GALNTL6: variants seen among roughly 807,000 people sequenced by gnomAD.
The protein encoded by GALNTL6 is polypeptide N-acetylgalactosaminyltransferase like 6.
GALNTL6 carries 46 observed loss-of-function variants against 73.7 expected under a neutral mutation model. The observed-to-expected ratio is 0.62, with a 90% CI of 0.49 to 0.80. GALNTL6 has a LOEUF of 0.80. GALNTL6 is among the 30% of genes least tolerant of loss of function. GALNTL6 has a pLI of 0.00. For missense variants in GALNTL6, 604 were observed against 755.0 expected (o/e 0.80, Z 2.34); for synonymous variants, 259 against 263.7 (o/e 0.98, Z 0.17).
intron 2 of GALNTL6, among the ~76,000 whole-genome samples, chr4:172,036,725 C>T (rs1346182948): frequency 6.6e-6 from 1 of 152,084 alleles, no homozygotes; most frequent in Non-Finnish European, 1.5e-5. Flanking sequence ...CAACAAAAAC[C>T]CTAAACTGTC....
chr4:172,860,726 A>G (rs1744352260), intron 7 of GALNTL6, among the ~76,000 whole-genome samples: 1 of 152,224 alleles, frequency 6.6e-6, no homozygotes, highest in Non-Finnish European at 1.5e-5. Context: ...ATATATATGA[A>G]AATGATGCCT....
chr4:172,013,507 T>C (rs1741086252), intron 2 of GALNTL6, among the ~76,000 whole-genome samples: 1 of 152,080 alleles, frequency 6.6e-6, no homozygotes, highest in Admixed American at 6.6e-5. Flanking sequence ...TTTTTTAAGA[T>C]TAACTAGTAT....
intron 2 of GALNTL6, among the ~76,000 whole-genome samples, chr4:171,861,258 C>T (rs912299133): frequency 6.6e-6 from 1 of 152,110 alleles, no homozygotes; most frequent in South Asian, 2.1e-4. Flanking sequence ...GTGTGTGCTA[C>T]TTCTGGTTCA....
intron 2 of GALNTL6, among the ~76,000 whole-genome samples, chr4:172,197,741 G>A (rs868274267): frequency 5.3e-5 from 8 of 152,244 alleles, no homozygotes; most frequent in African/African-American, 1.7e-4. Flanking sequence ...GCCATATGTA[G>A]AAAATTGAAA....
chr4:172,835,463 T>C (rs559593082), intron 7 of GALNTL6, among the ~76,000 whole-genome samples: 10 of 152,330 alleles, frequency 6.6e-5, no homozygotes, highest in Non-Finnish European at 1.5e-4. Flanking sequence ...CTTGGCTCCA[T>C]GGGGAGTTCT....
At chr4:171,982,728 G>A (rs1172934331) in intron 2 of GALNTL6, among the ~76,000 whole-genome samples, 1 of 152,148 alleles carries the variant, frequency 6.6e-6, no homozygotes, top group Non-Finnish European at 1.5e-5. Context: ...AAAGTTTTGA[G>A]AAAATCATAA....
intron 5 of GALNTL6, among the ~76,000 whole-genome samples, chr4:172,664,968 G>A (rs977561441): frequency 3.3e-5 from 5 of 152,140 alleles, no homozygotes; most frequent in Non-Finnish European, 4.4e-5. Context: ...GTGCAACAGA[G>A]ACTCATACAG....
intron 7 of GALNTL6, among the ~76,000 whole-genome samples, chr4:172,871,759 T>TTTTGTTTGTTTGTTTGTTTG (rs113501777): frequency 5.6e-4 from 85 of 150,556 alleles, no homozygotes; most frequent in East Asian, 2.0e-3. Flanking sequence ...TAGCATAGTT[T>TTTTGTTTGTTTGTTTGTTTG]TTTGTTTGTT....
intron 5 of GALNTL6, among the ~76,000 whole-genome samples, chr4:172,793,479 T>C (rs1740106229): frequency 6.6e-6 from 1 of 152,168 alleles, no homozygotes; most frequent in African/African-American, 2.4e-5. Flanking sequence ...GCCAACTCAC[T>C]GCAGTCCCTT....
At chr4:172,602,438 ATATACTGTTATAAATGTCTTACCT>A (rs1738094862) in intron 5 of GALNTL6, among the ~76,000 whole-genome samples, 1 of 152,178 alleles carries the variant, frequency 6.6e-6, no homozygotes, top group East Asian at 1.9e-4. Context: ...GAAAGTGAAA[ATATACTGTTATAAATGTCTTACCT>A]TATAGGTAGT....
intron 2 of GALNTL6, among the ~76,000 whole-genome samples, chr4:171,878,430 T>C (rs910365979): frequency 1.3e-5 from 2 of 152,206 alleles, no homozygotes; most frequent in Non-Finnish European, 2.9e-5. Flanking sequence ...TTCTACCCTG[T>C]CTCTGTACAT....
intron 2 of GALNTL6, among the ~76,000 whole-genome samples, chr4:171,934,589 T>C (rs995124882): frequency 3.9e-5 from 6 of 152,054 alleles, no homozygotes; most frequent in Non-Finnish European, 5.9e-5. Context: ...AATTTTTTTG[T>C]ATTTTTTGTA....
intron 10 of GALNTL6, among the ~76,000 whole-genome samples, chr4:172,982,303 AATCACCACGGGAC>A (rs1368555908): frequency 6.6e-6 from 1 of 152,156 alleles, no homozygotes; most frequent in Non-Finnish European, 1.5e-5. Flanking sequence ...TCCATGACTC[AATCACCACGGGAC>A]ATCTCACACC....
At chr4:172,563,815 A>G (rs1736465207) in intron 5 of GALNTL6, among the ~76,000 whole-genome samples, 1 of 152,162 alleles carries the variant, frequency 6.6e-6, no homozygotes, top group South Asian at 2.1e-4. Context: ...TTTTTGGAAG[A>G]CCATTTCTCC....
intron 5 of GALNTL6, among the ~76,000 whole-genome samples, chr4:172,769,050 G>C: frequency 6.6e-6 from 1 of 152,032 alleles, no homozygotes; most frequent in East Asian, 1.9e-4. Flanking sequence ...TATATTTAAA[G>C]TAGGATTGTC....
chr4:172,177,817 G>GTA (rs1248713220), intron 2 of GALNTL6, among the ~76,000 whole-genome samples: 1 of 132,170 alleles, frequency 7.6e-6, no homozygotes, highest in African/African-American at 3.4e-5. Context: ...ATATATGTGT[G>GTA]TGTATATATA....
chr4:172,792,034 G>A (rs541828481), intron 5 of GALNTL6, among the ~76,000 whole-genome samples: 1 of 152,324 alleles, frequency 6.6e-6, no homozygotes, highest in African/African-American at 2.4e-5. Context: ...AGGAGCCATG[G>A]ACTGGTTTGG....
At chr4:172,108,523 T>TC (rs1732750878) in intron 2 of GALNTL6, among the ~76,000 whole-genome samples, 1 of 152,312 alleles carries the variant, frequency 6.6e-6, no homozygotes, top group African/African-American at 2.4e-5. Context: ...ACTGAGTTTT[T>TC]CAATTTATTG....
chr4:172,002,034 G>A (rs1740692587), intron 2 of GALNTL6, among the ~76,000 whole-genome samples: 2 of 152,042 alleles, frequency 1.3e-5, no homozygotes, highest in South Asian at 4.1e-4. Context: ...CTTATGGTGG[G>A]GGAAAATTAC....
Sources: gnomAD v4.1 joint callset for allele counts (sites outside exome capture counted in the v4.1 genomes callset) on GRCh38, gnomAD v4.1.1 for gene constraint, MANE v1.5 for transcripts, NCBI Gene and HGNC (gene_info 2026-07-23, HGNC 2026-07-21) for gene names.